Variants in DLG2 observed in about 807,000 individuals in gnomAD.
DLG2 encodes the protein discs large MAGUK scaffold protein 2, also known as disks large homolog 2.
Under a neutral mutation model 132.5 loss-of-function variants are expected in DLG2, and 45 were observed. The observed-to-expected ratio is 0.34, with a 90% CI of 0.27 to 0.44. The LOEUF (loss-of-function observed/expected upper bound fraction) is 0.44, where lower values mean the gene tolerates loss of function less well. Ranked by LOEUF, DLG2 falls within the 20% of genes least tolerant of loss-of-function variation. DLG2 has a pLI of 1.00. For missense variants in DLG2, 1,045 were observed against 1,196.9 expected (o/e 0.87, Z 1.87); for synonymous variants, 424 against 419.6 (o/e 1.01, Z -0.13).
intron 5 of DLG2, among the ~76,000 whole-genome samples, chr11:85,114,378 C>T (rs1237003130): frequency 1.3e-5 from 2 of 151,948 alleles, no homozygotes; most frequent in African/African-American, 2.4e-5. Context: ...AGAATTCCCT[C>T]AAGGGAGAAC....
At chr11:84,651,462 A>C (rs986665737) in intron 6 of DLG2, among the ~76,000 whole-genome samples, 1 of 152,160 alleles carries the variant, frequency 6.6e-6, no homozygotes, top group Non-Finnish European at 1.5e-5. Context: ...AAAACTTTTC[A>C]GAGTTCACAG....
rs188848131 is a variant in DLG2 at position 85,317,386 on chromosome 11, C to T, written c.41-32021G>A. On this transcript the variant is annotated intron_variant, in intron 3 of 27. Coordinates refer to ENST00000376104, the MANE Select transcript of DLG2 (RefSeq NM_001142699.3). ...GAAGGAATCATCACTCTGAAGGCAG[C>T]CTCATGATATAATTTTATGCTCCAA... 9.9e-5 allele frequency among the ~76,000 whole-genome samples: 15 copies of T among 151,866 alleles called. No individual in the cohort carries two copies. In the East Asian group the frequency reaches 2.9e-3, roughly 29 times the overall value.
chr11:84,897,167 T>G (rs559353864), intron 6 of DLG2, among the ~76,000 whole-genome samples: 1 of 151,798 alleles, frequency 6.6e-6, no homozygotes, highest in South Asian at 2.1e-4. Context: ...TACCCCTAAA[T>G]AATACTTTCT....
chr11:85,468,791 G>C (rs995499861), intron 3 of DLG2, among the ~76,000 whole-genome samples: 1 of 152,172 alleles, frequency 6.6e-6, no homozygotes, highest in Non-Finnish European at 1.5e-5. Context: ...ATATTCTGTT[G>C]ATTTGGGGTG....
In DLG2 at chr11:85,467,681, GC is replaced by G. The variant is rs1355725592; in HGVS notation, c.40+130975del. Among the ~76,000 whole-genome samples, 3 of 152,144 alleles carry G rather than the reference GC, an allele frequency of 2.0e-5. No individual in the cohort carries two copies. The East Asian group carries it at 5.8e-4, about 29-fold the overall frequency. ...AAGCCCACTTGATCATGGTGGATAA[GC>G]TTTTTGATGTGCCCCTGAATTCAGT... is the stretch of plus-strand genomic sequence containing the variant. On this transcript the variant is annotated intron_variant, in intron 3 of 27. Coordinates refer to ENST00000376104, the MANE Select transcript of DLG2 (RefSeq NM_001142699.3).
Position 84,934,546 on chromosome 11 carries a change from T to TTTTTTTG in DLG2, c.357+177114_357+177115insCAAAAAA, listed in dbSNP as rs1183459468. ...TTTTGTTTTTTTTTTTTTTTTTTTT[T>TTTTTTTG]GGTGGGTAGGCTATTTATTACTGTC... On this transcript the variant is annotated intron_variant, in intron 6 of 27. Coordinates refer to ENST00000376104, the MANE Select transcript of DLG2 (RefSeq NM_001142699.3). Among the ~76,000 whole-genome samples, 44 of 128,708 alleles carry TTTTTTTG rather than the reference T, an allele frequency of 3.4e-4. 3 individuals carry two copies. The highest frequency in any genetic ancestry group is 1.1e-3 in the East Asian group (4 of 3,732). The allele number at this position is 128,708 out of a possible 152,430, so 84.4% of individuals were successfully genotyped here.
chr11:85,150,851 TTTC>T (rs145173158), intron 5 of DLG2, among the ~76,000 whole-genome samples: 4,679 of 152,176 alleles, frequency 0.031, 91 homozygotes, highest in Admixed American at 0.045. Context: ...TGTGTAAATA[TTTC>T]TTCAAGATCC....
chr11:84,067,338 C>CAAAA (rs990617381), intron 10 of DLG2, among the ~76,000 whole-genome samples: 2 of 151,946 alleles, frequency 1.3e-5, no homozygotes, highest in Admixed American at 1.3e-4. Flanking sequence ...CATCTCCAAA[C>CAAAA]AAAACAAAAC....
chr11:84,090,584 G>A (rs547246292), intron 10 of DLG2, among the ~76,000 whole-genome samples: 3 of 152,106 alleles, frequency 2.0e-5, no homozygotes, highest in East Asian at 3.8e-4. Context: ...TTGGACATAC[G>A]TGTATGCCAA....
chr11:84,271,584 G>T (rs760177657), intron 7 of DLG2, among the ~76,000 whole-genome samples: 1 of 152,156 alleles, frequency 6.6e-6, no homozygotes, highest in Non-Finnish European at 1.5e-5. Flanking sequence ...AATTGGAGAC[G>T]CTTGTTGGTT....
rs568448107 is a variant in DLG2, at chr11:84,966,811, G to A, written c.357+144850C>T. ...ATTTCTGAGACTTTCTACAGTACAC[G>A]GGAAAACAGAAATAATTTTAAAGAT... is the stretch of plus-strand genomic sequence containing the variant. On this transcript the variant is annotated intron_variant, in intron 6 of 27. Coordinates refer to ENST00000376104, the MANE Select transcript of DLG2 (RefSeq NM_001142699.3). Among the ~76,000 whole-genome samples, 21 of 152,166 alleles carry A rather than the reference G, an allele frequency of 1.4e-4. No individual in the cohort carries two copies. The South Asian group carries it at 2.1e-3, about 15-fold the overall frequency.
At chr11:83,672,896 C>T (rs570161264) in intron 18 of DLG2, among the ~76,000 whole-genome samples, 1 of 152,144 alleles carries the variant, frequency 6.6e-6, no homozygotes, top group South Asian at 2.1e-4. Context: ...CCCGTCTCTA[C>T]TAAAAATGCA....
intron 7 of DLG2, among the ~76,000 whole-genome samples, chr11:84,450,846 G>C (rs2099049518): frequency 6.6e-6 from 1 of 151,086 alleles, no homozygotes; most frequent in Non-Finnish European, 1.5e-5. Flanking sequence ...TAGCCTCCGT[G>C]CCTAACAACA....
intron 9 of DLG2, among the ~76,000 whole-genome samples, chr11:84,156,600 T>C (rs1339192625): frequency 6.6e-6 from 1 of 152,248 alleles, no homozygotes; most frequent in Non-Finnish European, 1.5e-5. Context: ...TTAGGGATTC[T>C]TTTTGCAACT....
intron 7 of DLG2, among the ~76,000 whole-genome samples, chr11:84,420,788 C>G (rs898840309): frequency 2.7e-5 from 4 of 149,984 alleles, no homozygotes; most frequent in African/African-American, 7.3e-5. Context: ...CCTGCCTCAG[C>G]CTCCCAAGTA....
intron 3 of DLG2, among the ~76,000 whole-genome samples, chr11:85,389,939 A>G (rs1565418623): frequency 1.3e-5 from 2 of 152,288 alleles, no homozygotes; most frequent in Admixed American, 6.5e-5. Context: ...GGACCTATAA[A>G]GCAACAACAC....
intron 16 of DLG2, among the ~76,000 whole-genome samples, chr11:83,871,777 T>A (rs1246725189): frequency 6.6e-6 from 1 of 152,220 alleles, no homozygotes; most frequent in Non-Finnish European, 1.5e-5. Flanking sequence ...AAATATTTCA[T>A]TTTATATCCA....
chr11:84,091,866 T>C (rs1386927732), intron 10 of DLG2, among the ~76,000 whole-genome samples: 3 of 152,192 alleles, frequency 2.0e-5, no homozygotes, highest in Non-Finnish European at 4.4e-5. Context: ...TCCTTGTGAC[T>C]GTATGTCTGA....
chr11:84,657,876 C>T (rs980961820), intron 6 of DLG2, among the ~76,000 whole-genome samples: 5 of 152,204 alleles, frequency 3.3e-5, no homozygotes, highest in African/African-American at 1.2e-4. Context: ...GCTAATTAAC[C>T]TCCAATAAAC....
Sources: gnomAD v4.1 joint callset for allele counts (sites outside exome capture counted in the v4.1 genomes callset) on GRCh38, gnomAD v4.1.1 for gene constraint, MANE v1.5 for transcripts, NCBI Gene and HGNC (gene_info 2026-07-23, HGNC 2026-07-21) for gene names.